The following SRPK2 variants were observed in gnomAD, a reference collection of about 807,000 sequenced individuals.
The protein encoded by SRPK2 is SRSF protein kinase 2, also known as SFRS protein kinase 2.
SRPK2 carries 21 observed loss-of-function variants against 90.8 expected under a neutral mutation model. The ratio of observed to expected loss-of-function variants is 0.23; its 90% CI spans 0.16 to 0.33. The LOEUF (loss-of-function observed/expected upper bound fraction) is 0.33. Among genes scored for constraint, SRPK2 ranks in the 10% least tolerant of loss-of-function variants. SRPK2 has a pLI of 1.00. For missense variants in SRPK2, 620 were observed against 869.0 expected (o/e 0.71, Z 3.60); for synonymous variants, 288 against 311.1 (o/e 0.93, Z 0.78).
At chr7:105,389,116 C>T, upstream of SRPK2, 2 of 984,556 alleles carry the variant, frequency 2.0e-6, no homozygotes, top group Non-Finnish European at 2.4e-6. Flanking sequence ...CCCTCGGCCT[C>T]CCCCACCCCA....
chr7:105,255,905 T>G (rs535535171), intron 2 of SRPK2, among the ~76,000 whole-genome samples: 1 of 148,816 alleles, frequency 6.7e-6, no homozygotes, highest in African/African-American at 2.5e-5. Flanking sequence ...GCCTGGGCGA[T>G]AGTGTGAGTC....
chr7:105,271,375 G>A (rs1805807756), intron 2 of SRPK2, among the ~76,000 whole-genome samples: 1 of 152,160 alleles, frequency 6.6e-6, no homozygotes, highest in Non-Finnish European at 1.5e-5. Flanking sequence ...ACATGAAAAG[G>A]TTTCCAACTT....
intron 2 of SRPK2, among the ~76,000 whole-genome samples, chr7:105,344,201 A>T (rs1386874563): frequency 1.3e-5 from 2 of 152,136 alleles, no homozygotes; most frequent in African/African-American, 2.4e-5. Flanking sequence ...AAAACACTCC[A>T]ACTCTGCCAC....
chr7:105,223,238 A>G (rs1180652258), intron 2 of SRPK2, among the ~76,000 whole-genome samples: 34 of 152,246 alleles, frequency 2.2e-4, no homozygotes. Context: ...AACTGCAACT[A>G]TTCTTTGTCA....
chr7:105,133,188 C>G (rs945909701), intron 11 of SRPK2, 84 bp from the exon 12 acceptor site: 2 of 1,270,136 alleles, frequency 1.6e-6, no homozygotes, highest in African/African-American at 2.9e-5. Flanking sequence ...GGGTCAGTCT[C>G]CTTTCCTCAA....
intron 11 of SRPK2, among the ~76,000 whole-genome samples, chr7:105,137,703 C>T (rs1188750545): frequency 6.6e-6 from 1 of 152,168 alleles, no homozygotes; most frequent in East Asian, 1.9e-4. Flanking sequence ...TGCCAAATTA[C>T]TCTAGGAAAA....
intron 2 of SRPK2, among the ~76,000 whole-genome samples, chr7:105,264,632 G>T (rs1804790404): frequency 6.6e-6 from 1 of 152,118 alleles, no homozygotes. Flanking sequence ...CAAGTATAAA[G>T]ACTCCCTTTT....
intron 2 of SRPK2, among the ~76,000 whole-genome samples, chr7:105,330,509 G>C (rs781157058): frequency 6.6e-6 from 1 of 152,036 alleles, no homozygotes; most frequent in Admixed American, 6.6e-5. Context: ...TAACAACAGG[G>C]GAAATAAACA....
chr7:105,321,734 G>A (rs1269377934), intron 2 of SRPK2, among the ~76,000 whole-genome samples: 3 of 152,030 alleles, frequency 2.0e-5, no homozygotes, highest in African/African-American at 4.8e-5. Context: ...AAATAAAAAC[G>A]AGGCACAACT....
At chr7:105,262,145 T>G (rs1804382009) in intron 2 of SRPK2, among the ~76,000 whole-genome samples, 1 of 152,152 alleles carries the variant, frequency 6.6e-6, no homozygotes, top group South Asian at 2.1e-4. Flanking sequence ...GAAGCATCAG[T>G]AAACAGACAG....
At chr7:105,168,745 A>ATATGTGTGTG (rs1554434007) in intron 4 of SRPK2, among the ~76,000 whole-genome samples, 2 of 104,008 alleles carry the variant, frequency 1.9e-5, no homozygotes, top group Non-Finnish European at 4.2e-5. Context: ...CACGCACCAA[A>ATATGTGTGTG]TGTGTGTGTG....
At chr7:105,396,507 T>A (rs1216230525) in intron 1 of SRPK2, among the ~76,000 whole-genome samples, 3 of 151,846 alleles carry the variant, frequency 2.0e-5, no homozygotes, top group Non-Finnish European at 4.4e-5. Flanking sequence ...GGCAGGTGCC[T>A]GTAGTCCCAG....
chr7:105,140,458 G>A (rs970876467), intron 11 of SRPK2, among the ~76,000 whole-genome samples: 10 of 151,952 alleles, frequency 6.6e-5, no homozygotes, highest in East Asian at 3.9e-4. Context: ...AAAATTAGCC[G>A]GGCATGGTGA....
chr7:105,168,346 G>A (rs1790354938), intron 4 of SRPK2, among the ~76,000 whole-genome samples: 1 of 152,188 alleles, frequency 6.6e-6, no homozygotes, highest in Admixed American at 6.5e-5. Flanking sequence ...TTCAGGGTAT[G>A]TGTATATGGT....
At position 105,177,108 on chromosome 7, in the gene SRPK2, TTG is replaced by T. The variant is rs1180986838; in HGVS notation, c.230-7845_230-7844del. The stretch of plus-strand genomic sequence containing the variant: ...ACCACTTCCAAAAAGTACCTGGTAA[TTG>T]TCAGGAAAGTGATTAAATCAGGAAA... On this transcript the variant is annotated intron_variant, in intron 3 of 15. Coordinates refer to ENST00000393651, the MANE Select transcript of SRPK2 (RefSeq NM_182692.3). Among the ~76,000 whole-genome samples the T allele has an allele frequency of 3.0e-4, 46 of 152,200 alleles. No homozygotes were observed. The East Asian group carries it at 8.7e-3, about 29-fold the overall frequency.
At chr7:105,192,539 T>C (rs1408443013) in intron 3 of SRPK2, among the ~76,000 whole-genome samples, 1 of 152,196 alleles carries the variant, frequency 6.6e-6, no homozygotes, top group Non-Finnish European at 1.5e-5. Flanking sequence ...ATATAACGAC[T>C]TATTTTCCTC....
chr7:105,197,085 C>T (rs947846230), intron 3 of SRPK2, among the ~76,000 whole-genome samples: 2 of 151,534 alleles, frequency 1.3e-5, no homozygotes, highest in African/African-American at 2.4e-5. Flanking sequence ...GTCATAGACT[C>T]GGAGGGTTGG....
At chr7:105,292,846 G>C (rs1020151254) in intron 2 of SRPK2, among the ~76,000 whole-genome samples, 6 of 152,160 alleles carry the variant, frequency 3.9e-5, no homozygotes, top group African/African-American at 1.4e-4. Flanking sequence ...TTCTACATCA[G>C]GTTCTTATAA....
At chr7:105,362,138 C>T (rs1171956601) in intron 2 of SRPK2, among the ~76,000 whole-genome samples, 1 of 151,990 alleles carries the variant, frequency 6.6e-6, no homozygotes, top group Non-Finnish European at 1.5e-5. Flanking sequence ...GAAAAAAAAT[C>T]AAACAACCCC....
Sources: allele counts gnomAD v4.1 joint callset (sites outside exome capture counted in the v4.1 genomes callset), GRCh38; gene constraint gnomAD v4.1.1; transcripts MANE v1.5; gene names NCBI Gene and HGNC (gene_info 2026-07-23, HGNC 2026-07-21).